Variants in AGTPBP1 observed in about 807,000 individuals in gnomAD.
AGTPBP1 encodes cytosolic carboxypeptidase 1.
AGTPBP1 carries 70 observed loss-of-function variants against 143.9 expected under a neutral mutation model. The ratio of observed to expected loss-of-function variants is 0.49; its 90% CI spans 0.40 to 0.59. AGTPBP1 has a LOEUF of 0.59. Ranked by LOEUF, AGTPBP1 falls within the 20% of genes least tolerant of loss-of-function variation. The pLI, the probability that AGTPBP1 is intolerant of heterozygous loss-of-function variation, is 0.00. For missense variants in AGTPBP1, 1,229 were observed against 1,464.5 expected, an observed-to-expected ratio of 0.84 and a Z score of 2.62; for synonymous variants, 463 against 500.2, an observed-to-expected ratio of 0.93 and a Z score of 0.99.
intron 13 of AGTPBP1, among the ~76,000 whole-genome samples, chr9:85,636,650 C>T (rs62566950): frequency 0.017 from 2,549 of 151,664 alleles, 25 homozygotes; most frequent in Middle Eastern, 0.055. Context: ...GAAGGCAGCA[C>T]AGAGAGGCAA....
chr9:85,691,122 A>G (rs569006563), intron 3 of AGTPBP1, among the ~76,000 whole-genome samples: 2 of 152,316 alleles, frequency 1.3e-5, no homozygotes, highest in East Asian at 3.9e-4. Context: ...TTGCACTGAT[A>G]TAACGAACAC....
chr9:85,719,637 C>A (rs1321102980), intron 1 of AGTPBP1, among the ~76,000 whole-genome samples: 1 of 152,028 alleles, frequency 6.6e-6, no homozygotes, highest in Non-Finnish European at 1.5e-5. Context: ...CTTTTCCTAA[C>A]TGAATACCCA....
At chr9:85,548,029 A>C (rs1224472097) in intron 25 of AGTPBP1, among the ~76,000 whole-genome samples, 1 of 152,174 alleles carries the variant, frequency 6.6e-6, no homozygotes, top group East Asian at 1.9e-4. Context: ...CCCCACACAA[A>C]ATATCAAATA....
chr9:85,704,217 G>C (rs1420750215), intron 2 of AGTPBP1, among the ~76,000 whole-genome samples: 1 of 152,130 alleles, frequency 6.6e-6, no homozygotes, highest in Non-Finnish European at 1.5e-5. Flanking sequence ...AGGAGATAAA[G>C]GTAAGAGTCC....
chr9:85,581,398 C>A (rs908662751), intron 23 of AGTPBP1, among the ~76,000 whole-genome samples: 7 of 152,188 alleles, frequency 4.6e-5, no homozygotes, highest in Admixed American at 1.3e-4. Flanking sequence ...ATAATCCCTA[C>A]CTACATCACA....
the AGTPBP1 span, among the ~76,000 whole-genome samples, chr9:85,752,156 G>T: frequency 6.6e-6 from 1 of 151,972 alleles, no homozygotes; most frequent in East Asian, 1.9e-4. Context: ...AGAATTACTT[G>T]AAACCCGGGA....
chr9:85,762,814 T>TA, the AGTPBP1 span, among the ~76,000 whole-genome samples: 3 of 147,984 alleles, frequency 2.0e-5, no homozygotes, highest in Non-Finnish European at 3.0e-5. Flanking sequence ...TATATATATG[T>TA]AAAACTTTAT....
chr9:85,793,487 C>T, the AGTPBP1 span: 1 of 152,064 alleles, frequency 6.6e-6, no homozygotes, highest in South Asian at 2.1e-4. Context: ...AAGTATCTGG[C>T]AGTGTAAGGA....
chr9:85,700,786 TG>T (rs1366117148), intron 2 of AGTPBP1, among the ~76,000 whole-genome samples: 1 of 152,200 alleles, frequency 6.6e-6, no homozygotes, highest in African/African-American at 2.4e-5. Context: ...CTGCCACCCT[TG>T]AACAACAACC....
chr9:85,642,776 A>AC (rs1832569331), intron 13 of AGTPBP1, 51 bp downstream of exon 13: 2 of 1,419,948 alleles, frequency 1.4e-6, no homozygotes, highest in South Asian at 2.5e-5. Context: ...AGGGAAAAAA[A>AC]ATAACTTTTT....
At chr9:85,601,802 C>T (rs1264891336) in intron 17 of AGTPBP1, among the ~76,000 whole-genome samples, 1 of 152,154 alleles carries the variant, frequency 6.6e-6, no homozygotes, top group Non-Finnish European at 1.5e-5. Flanking sequence ...AATCTTTGGC[C>T]TGCTGTTGCC....
rs1295845901 is a variant in AGTPBP1, at chr9:85,571,996, TTG to T, written c.3503+3317_3503+3318del. ...TTTGTAATTGGCCATTATTAGTTGT[TTG>T]TGTGTGTTTTTTTTTTTTTTTTTTT... On this transcript the variant is annotated intron_variant, in intron 25 of 25. Coordinates refer to ENST00000357081, the MANE Select transcript of AGTPBP1 (RefSeq NM_001330701.2). 5.4e-4 allele frequency among the ~76,000 whole-genome samples: 68 copies of T among 125,874 alleles called. 11 individuals carry two copies. The highest frequency in any genetic ancestry group is 1.2e-3 in the South Asian group (4 of 3,448). The allele number at this position is 125,874 out of a possible 152,430, so 82.6% of individuals were successfully genotyped here. A position where few individuals can be genotyped will look rare whatever the true frequency, so the allele number is the denominator to read the frequency against.
chr9:85,594,677 T>C (rs1829184735), intron 18 of AGTPBP1, among the ~76,000 whole-genome samples: 1 of 152,176 alleles, frequency 6.6e-6, no homozygotes, highest in Non-Finnish European at 1.5e-5. Context: ...AAGTGGTTAA[T>C]AAATGTTTGT....
Position 85,633,842 on chromosome 9 carries a change from G to A in AGTPBP1, c.1303-468C>T, listed in dbSNP as rs530588535. 1.6e-4 allele frequency among the ~76,000 whole-genome samples: 24 copies of A among 149,108 alleles called. 1 individual carries two copies. Among genetic ancestry groups the A allele is most frequent in the Non-Finnish European group, 2.8e-4 (19 of 67,426 alleles). On this transcript the variant is annotated intron_variant, in intron 13 of 25. Coordinates refer to ENST00000357081, the MANE Select transcript of AGTPBP1 (RefSeq NM_001330701.2). ...TGTCAATACAACAAGTAATAAATAC[G>A]ATATATATTTCATATATAGAACATT...
chr9:85,668,967 A>ATATGTGTGTGTGTGTG (rs1491203442), intron 8 of AGTPBP1, among the ~76,000 whole-genome samples: 3 of 114,388 alleles, frequency 2.6e-5, no homozygotes, highest in African/African-American at 9.5e-5. Context: ...ACATACATAC[A>ATATGTGTGTGTGTGTG]TGTGTGTGTG....
At chr9:85,755,534 G>A in the AGTPBP1 span, among the ~76,000 whole-genome samples, 1 of 152,128 alleles carries the variant, frequency 6.6e-6, no homozygotes, top group East Asian at 1.9e-4. Flanking sequence ...CTTCCACTGT[G>A]TGTATTCATT....
At chr9:85,683,620 T>C (rs769784155) in intron 3 of AGTPBP1, among the ~76,000 whole-genome samples, 9 of 152,202 alleles carry the variant, frequency 5.9e-5, no homozygotes, top group African/African-American at 9.6e-5. Flanking sequence ...TTCAATGTCA[T>C]TGTGGAAAAT....
chr9:85,739,081 T>TA (rs201886103), intron 1 of AGTPBP1, among the ~76,000 whole-genome samples: 6 of 151,378 alleles, frequency 4.0e-5, no homozygotes, highest in African/African-American at 1.2e-4. Flanking sequence ...TAACTTGTCT[T>TA]AAAAAAATAA....
Position 85,618,973 on chromosome 9 carries a change from A to G in AGTPBP1, c.2335+10T>C, listed in dbSNP as rs377066719. 127 of 1,599,910 alleles carry G rather than the reference A, an allele frequency of 7.9e-5. No individual in the cohort carries two copies. The highest frequency in any genetic ancestry group is 6.8e-5 in the South Asian group (6 of 87,886). ...CATGCCATTTCAATTGGGAAAGAAA[A>G]CTGTCTTACCATAATTAAACTGACT... On this transcript the variant is annotated intron_variant, in intron 17 of 25. Coordinates refer to ENST00000357081, the MANE Select transcript of AGTPBP1 (RefSeq NM_001330701.2).
Sources: allele counts gnomAD v4.1 joint callset (sites outside exome capture counted in the v4.1 genomes callset), GRCh38; gene constraint gnomAD v4.1.1; transcripts MANE v1.5; gene names NCBI Gene and HGNC (gene_info 2026-07-23, HGNC 2026-07-21).